KISS1: variants seen among roughly 807,000 people sequenced by gnomAD.
KISS1 encodes KiSS-1 metastasis suppressor.
For missense variants in KISS1, 182 were observed against 182.7 expected, an observed-to-expected ratio of 1.00 and a Z score of 0.02; for synonymous variants, 97 against 88.7, an observed-to-expected ratio of 1.09 and a Z score of -0.52.
At chr1:204,195,303 TACACACAC>T in intron 1 of KISS1, among the ~76,000 whole-genome samples, 1 of 13,036 alleles carries the variant, frequency 7.7e-5, no homozygotes, top group Admixed American at 8.3e-4. Flanking sequence ...CATACACCCA[TACACACAC>T]ATACACATAT....
intron 1 of KISS1, among the ~76,000 whole-genome samples, 196 bp downstream of exon 1, chr1:204,196,180 G>A (rs903386034): frequency 5.9e-5 from 9 of 152,216 alleles, no homozygotes; most frequent in African/African-American, 2.2e-4. Context: ...AATAAAGTGC[G>A]ACTCAGTGTA....
rs1553307861 is a variant in KISS1, at chr1:204,190,409, T to TC, written c.*74dup. 16,054 of 565,728 alleles carry TC rather than the reference T, an allele frequency of 0.028. 660 individuals are homozygous for TC. The highest frequency in any genetic ancestry group is 0.12 in the African/African-American group (4,820 of 40,528). 35.0% of individuals were successfully genotyped at this position (565,728 alleles called of 1,614,324 possible). ...CAGCGCCCCCTCCCTTAGCCCTACG[T>TC]CCCCGCCCCCCGCCCCCGCCCCGCA... On this transcript the variant is annotated 3_prime_UTR_variant, in exon 3 of 3. Transcript: ENST00000367194.
chr1:204,196,080 C>G (rs1309032735), intron 1 of KISS1, among the ~76,000 whole-genome samples: 1 of 152,210 alleles, frequency 6.6e-6, no homozygotes, highest in Non-Finnish European at 1.5e-5. Flanking sequence ...TGTCTGTGGT[C>G]TCTAATTCCA....
chr1:204,192,007 T>C lies in KISS1; in HGVS notation c.103+767A>G, dbSNP rs1658753635. ...GCAAACGACACCCGGGGCCGTGTCCTCTGTGCTCTGGAAGGTCTTATGGGC... is the reference window on the plus strand; with the variant it reads ...GCAAACGACACCCGGGGCCGTGTCCCCTGTGCTCTGGAAGGTCTTATGGGC... On this transcript the variant is annotated intron_variant, in intron 2 of 2. Transcript: ENST00000367194. The surrounding 1 kb of genome is among the most constrained non-coding windows in gnomAD (Gnocchi z 4.2). Among the ~76,000 whole-genome samples, 1 of 152,188 alleles carries C rather than the reference T, an allele frequency of 6.6e-6. No individual in the cohort carries two copies. The highest frequency in any genetic ancestry group is 2.4e-5 in the African/African-American group (1 of 41,452).
chr1:204,190,409 T>TTCCCCCCCCCC lies in KISS1; in HGVS notation c.*74_*75insGGGGGGGGGGA. 5.3e-6 allele frequency: 3 copies of TTCCCCCCCCCC among 570,134 alleles called. No homozygotes were observed. The highest frequency in any genetic ancestry group is 9.4e-6 in the Non-Finnish European group (3 of 320,588). The allele number at this position is 570,134 out of a possible 1,614,324, so 35.3% of individuals were successfully genotyped here. On this transcript the variant is annotated 3_prime_UTR_variant, in exon 3 of 3. Coordinates refer to ENST00000367194, the MANE Select transcript of KISS1 (RefSeq NM_002256.4). ...CAGCGCCCCCTCCCTTAGCCCTACG[T>TTCCCCCCCCCC]CCCCGCCCCCCGCCCCCGCCCCGCA...
At chr1:204,195,216 C>CACACACCACACACATATATACGCAT (rs1658819027) in intron 1 of KISS1, among the ~76,000 whole-genome samples, 1 of 8,288 alleles carries the variant, frequency 1.2e-4, no homozygotes, top group Non-Finnish European at 2.6e-4. Context: ...TATATACGCA[C>CACACACCACACACATATATACGCAT]ACACCCATAC....
At position 204,192,950 on chromosome 1, in the gene KISS1, C is replaced by T. The variant is rs1262924386; in HGVS notation, c.-38-36G>A. On this transcript the variant is annotated intron_variant, in intron 1 of 2. Transcript: ENST00000367194. The surrounding 1 kb of genome is among the most constrained non-coding windows in gnomAD (Gnocchi z 4.2). ...GAGAGGGAACAAAGACTAGGTCAGG[C>T]ACAGGATCTGGGCTGGGTGCTGAGG... 4.8e-6 allele frequency: 5 copies of T among 1,043,876 alleles called. No homozygotes were observed. The highest frequency in any genetic ancestry group is 7.3e-6 in the Non-Finnish European group (5 of 687,740). The allele number at this position is 1,043,876 out of a possible 1,614,324, so 64.7% of individuals were successfully genotyped here.
Position 204,192,665 on chromosome 1 carries a change from C to A in KISS1, c.103+109G>T, listed in dbSNP as rs1658765077. ...ATGTGTGCCAGTCTTAGATTTCCAC[C>A]AAATGCAATGTTAAACTCACACCAG... On this transcript the variant is annotated intron_variant, in intron 2 of 2. Transcript: ENST00000367194. The surrounding 1 kb of genome is among the most constrained non-coding windows in gnomAD (Gnocchi z 4.2). 4.0e-6 allele frequency: 3 copies of A among 745,616 alleles called. No homozygotes were observed. In the Admixed American group the frequency reaches 6.1e-5, roughly 15 times the overall value. 46.2% of individuals were successfully genotyped at this position (745,616 alleles called of 1,614,324 possible).
At position 204,190,409 on chromosome 1, in the gene KISS1, T is replaced by TACCCCCCCCC; in HGVS notation, c.*74_*75insGGGGGGGGGT. Reference sequence around the variant, plus strand: ...CAGCGCCCCCTCCCTTAGCCCTACGTCCCCGCCCCCCGCCCCCGCCCCGCA... The same window carrying TACCCCCCCCC: ...CAGCGCCCCCTCCCTTAGCCCTACGTACCCCCCCCCCCCCGCCCCCCGCCCCCGCCCCGCA... On this transcript the variant is annotated 3_prime_UTR_variant, in exon 3 of 3. Transcript: ENST00000367194. 6 of 570,126 alleles carry TACCCCCCCCC rather than the reference T, an allele frequency of 1.1e-5. No individual in the cohort carries two copies. Among genetic ancestry groups the TACCCCCCCCC allele is most frequent in the East Asian group, 7.5e-5 (2 of 26,790 alleles). 35.3% of individuals were successfully genotyped at this position (570,126 alleles called of 1,614,324 possible).
At chr1:204,190,896 C>G (rs1371162430) in intron 2 of KISS1, 99 bp from the exon 3 acceptor site, 3 of 1,096,658 alleles carry the variant, frequency 2.7e-6, no homozygotes, top group African/African-American at 1.6e-5. Flanking sequence ...CCTTCCTTGA[C>G]CTTTTGGAAG....
In KISS1 at chr1:204,190,709, C is replaced by A; in HGVS notation, c.192G>T (p.Leu64=). 1 of 1,606,908 alleles carries A rather than the reference C, an allele frequency of 6.2e-7. No individual in the cohort carries two copies. Among genetic ancestry groups the A allele is most frequent in the Non-Finnish European group, 8.5e-7 (1 of 1,177,762 alleles). Residue 64 remains leucine (L), a synonymous_variant, in exon 3 of 3, where the codon CTG becomes CTT. Coordinates refer to ENST00000367194, the MANE Select transcript of KISS1 (RefSeq NM_002256.4). ...TERKPAATAR[L]SRRGTSLSPP... is the part of the protein sequence containing the mutation. ...GGGACAGCGAGGTCCCCCGACGGCT[C>A]AGCCTGGCAGTAGCAGCTGGCTTCC...
intron 2 of KISS1, among the ~76,000 whole-genome samples, chr1:204,191,317 C>G (rs1003766892): frequency 6.6e-6 from 1 of 152,152 alleles, no homozygotes; most frequent in African/African-American, 2.4e-5. Context: ...CACCTGTGTT[C>G]CAACACTCGT....
intron 1 of KISS1, among the ~76,000 whole-genome samples, chr1:204,194,307 TA>T (rs1297549661): frequency 6.6e-6 from 1 of 152,214 alleles, no homozygotes; most frequent in Non-Finnish European, 1.5e-5. Flanking sequence ...GAAGTTTACT[TA>T]TCCTTGCAGA....
intron 1 of KISS1, among the ~76,000 whole-genome samples, chr1:204,195,349 C>CCA (rs1301928002): frequency 2.9e-5 from 4 of 137,880 alleles, no homozygotes; most frequent in Admixed American, 1.5e-4. Flanking sequence ...CGCATACACA[C>CCA]CACACACATA....
At chr1:204,196,093 C>T (rs927518990) in intron 1 of KISS1, among the ~76,000 whole-genome samples, 1 of 152,230 alleles carries the variant, frequency 6.6e-6, no homozygotes, top group African/African-American at 2.4e-5. Flanking sequence ...TAATTCCAGC[C>T]ACAGCATTTA....
Position 204,190,638 on chromosome 1 carries a change from G to C in KISS1, c.263C>G (p.Ala88Gly), listed in dbSNP as rs760697034. Reference sequence around the variant, plus strand: ...TGCGGGGATCTGGCGGCTGTGGGGGGCGGACAGGCCCGGCTGCTGGGGGCT... The same window carrying C: ...TGCGGGGATCTGGCGGCTGTGGGGGCCGGACAGGCCCGGCTGCTGGGGGCT... ...SGSPQQPGLS[A>G]PHSRQIPAPQ... is the part of the protein sequence containing the mutation. Residue 88 changes from alanine to glycine, a missense_variant, in exon 3 of 3, where the codon GCC becomes GGC. By Grantham distance (60) the Ala-to-Gly change is moderately conservative. Coordinates refer to ENST00000367194, the MANE Select transcript of KISS1 (RefSeq NM_002256.4). 54 of 1,584,168 alleles carry C rather than the reference G, an allele frequency of 3.4e-5. No individual in the cohort carries two copies. Among genetic ancestry groups the C allele is most frequent in the Non-Finnish European group, 4.2e-5 (49 of 1,165,672 alleles).
intron 2 of KISS1, 112 bp from the exon 3 acceptor site, chr1:204,190,909 C>A (rs764555000): frequency 2.1e-5 from 20 of 932,122 alleles, no homozygotes; most frequent in Non-Finnish European, 3.1e-5. Flanking sequence ...TTTGGAAGCT[C>A]GGAGCTCAGT....
chr1:204,190,412 C>A lies in KISS1; in HGVS notation c.*72G>T. 1.7e-6 allele frequency: 1 copy of A among 588,702 alleles called. No individual in the cohort carries two copies. Among genetic ancestry groups the A allele is most frequent in the South Asian group, 1.6e-5 (1 of 62,676 alleles). 36.5% of individuals were successfully genotyped at this position (588,702 alleles called of 1,614,324 possible). Reference sequence around the variant, plus strand: ...CGCCCCCTCCCTTAGCCCTACGTCCCCGCCCCCCGCCCCCGCCCCGCATGC... The same window carrying A: ...CGCCCCCTCCCTTAGCCCTACGTCCACGCCCCCCGCCCCCGCCCCGCATGC... On this transcript the variant is annotated 3_prime_UTR_variant, in exon 3 of 3. Coordinates refer to ENST00000367194, the MANE Select transcript of KISS1 (RefSeq NM_002256.4).
At chr1:204,193,522 T>C (rs1322253001) in intron 1 of KISS1, among the ~76,000 whole-genome samples, 1 of 152,238 alleles carries the variant, frequency 6.6e-6, no homozygotes, top group African/African-American at 2.4e-5. Context: ...CTTATTTCTT[T>C]TTCTTTTATA....
Sources: allele counts gnomAD v4.1 joint callset (sites outside exome capture counted in the v4.1 genomes callset), GRCh38; gene constraint gnomAD v4.1.1; non-coding constraint Gnocchi (gnomAD v3.1); transcripts MANE v1.5; gene names NCBI Gene and HGNC (gene_info 2026-07-23, HGNC 2026-07-21).